OLFM2: variants seen among roughly 807,000 people sequenced by gnomAD.
OLFM2 encodes the protein noelin-2.
Under a neutral mutation model 43.9 loss-of-function variants are expected in OLFM2, and 20 were observed. The observed-to-expected ratio is 0.46, with a 90% CI of 0.32 to 0.66. OLFM2 has a LOEUF of 0.66. OLFM2 is among the 30% of genes least tolerant of loss of function. The pLI is 0.04. For missense variants in OLFM2, 416 were observed against 643.6 expected, an observed-to-expected ratio of 0.65 and a Z score of 3.83; for synonymous variants, 268 against 278.6, an observed-to-expected ratio of 0.96 and a Z score of 0.38.
chr19:9,857,094 G>T lies in OLFM2; in HGVS notation c.580+169C>A. On this transcript the variant is annotated intron_variant, in intron 4 of 5. Transcript: ENST00000264833. This position sits in a 1 kb window ranked among gnomAD's most constrained non-coding sequence, Gnocchi z 5.7. Reference sequence around the variant, plus strand: ...GAGGGGTTAGAGGCCAAGGGTCAGGGCCATTTCCAGCTTCTGGACTCAAGT... The same window carrying T: ...GAGGGGTTAGAGGCCAAGGGTCAGGTCCATTTCCAGCTTCTGGACTCAAGT... 1 of 819,482 alleles carries T rather than the reference G, an allele frequency of 1.2e-6. No individual in the cohort carries two copies. The highest frequency in any genetic ancestry group is 2.0e-6 in the Non-Finnish European group (1 of 501,382). The allele number at this position is 819,482 out of a possible 1,614,324, so 50.8% of individuals were successfully genotyped here.
chr19:9,892,239 GAT>G (rs1047719636), intron 1 of OLFM2, among the ~76,000 whole-genome samples: 5 of 152,082 alleles, frequency 3.3e-5, no homozygotes, highest in Admixed American at 3.3e-4. Context: ...CTGCTGTGTG[GAT>G]ATGTGATACC....
intron 2 of OLFM2, among the ~76,000 whole-genome samples, chr19:9,859,144 T>TGGAAACTCCCAGAAACTC (rs1387246693): frequency 4.6e-5 from 7 of 152,190 alleles, no homozygotes; most frequent in Non-Finnish European, 1.0e-4. Flanking sequence ...ACATGACACT[T>TGGAAACTCCCAGAAACTC]GGAAACTCCC....
chr19:9,911,349 T>C (rs2046825820), intron 1 of OLFM2, among the ~76,000 whole-genome samples: 1 of 152,090 alleles, frequency 6.6e-6, no homozygotes, highest in Non-Finnish European at 1.5e-5. Context: ...TGACAAAGTA[T>C]AATGAGACTG....
intron 1 of OLFM2, among the ~76,000 whole-genome samples, chr19:9,862,700 C>T (rs1158689696): frequency 7.3e-5 from 11 of 151,010 alleles, no homozygotes; most frequent in South Asian, 2.1e-4. Flanking sequence ...ACAGGCCAGA[C>T]GCGGTGGCTC....
In OLFM2 at chr19:9,912,765, T is replaced by G. The variant is rs2046837532; in HGVS notation, c.63+23539A>C. Among the ~76,000 whole-genome samples the G allele has an allele frequency of 2.6e-5, 4 of 151,776 alleles. No individual in the cohort carries two copies. In the South Asian group the frequency reaches 8.4e-4, roughly 32 times the overall value. ...GAGGCAGTGTCAGCTCCGGCCCCAG[T>G]CTGCGCCCCGTCTACCTCCCAGGGA... On this transcript the variant is annotated intron_variant, in intron 1 of 5. Coordinates refer to ENST00000264833, the MANE Select transcript of OLFM2 (RefSeq NM_058164.4).
At chr19:9,855,224 T>C (rs1390900097) in intron 5 of OLFM2, among the ~76,000 whole-genome samples, 1 of 40,326 alleles carries the variant, frequency 2.5e-5, no homozygotes, top group African/African-American at 6.3e-5. Flanking sequence ...GCTATTGGTC[T>C]TTTTTTTTTT....
chr19:9,932,379 G>A (rs528247570), intron 1 of OLFM2, among the ~76,000 whole-genome samples: 1 of 151,100 alleles, frequency 6.6e-6, no homozygotes, highest in Non-Finnish European at 1.5e-5. Flanking sequence ...CACTTGAACC[G>A]GTGAGGCAAA....
At chr19:9,895,931 A>G (rs553893957) in intron 1 of OLFM2, among the ~76,000 whole-genome samples, 334 of 151,808 alleles carry the variant, frequency 2.2e-3, no homozygotes, top group African/African-American at 7.8e-3. Context: ...GTGTGATCAT[A>G]TTATCCTCCC....
chr19:9,868,591 T>A (rs1194676328), intron 1 of OLFM2, among the ~76,000 whole-genome samples: 1 of 152,192 alleles, frequency 6.6e-6, no homozygotes, highest in Non-Finnish European at 1.5e-5. Flanking sequence ...TTAATCACCA[T>A]CTTTAAATTT....
chr19:9,854,456 G>C lies in OLFM2; in HGVS notation c.1095C>G (p.Tyr365Ter). ...LEVMRSWDTGYPKRSAGEAFM... is the reference protein window; with the variant it reads ...LEVMRSWDTG ...AGGCCTCGCCAGCGCTGCGCTTGGG[G>C]TAGCCGGTGTCCCAGGACCGCATGA... The change falls in exon 6 of 6, where the codon TAC becomes TAG. Residue 365 changes from tyrosine to a stop codon, truncating the protein, a stop_gained. Transcript: ENST00000264833. LOFTEE classifies it high-confidence loss of function. This position sits in a 1 kb window ranked among gnomAD's most constrained non-coding sequence, Gnocchi z 9.5. 6.2e-7 allele frequency: 1 copy of C among 1,614,146 alleles called. No homozygotes were observed. Among genetic ancestry groups the C allele is most frequent in the Non-Finnish European group, 8.5e-7 (1 of 1,180,040 alleles).
chr19:9,894,433 G>C (rs1568378580), intron 1 of OLFM2, among the ~76,000 whole-genome samples: 1 of 141,098 alleles, frequency 7.1e-6, no homozygotes, highest in Non-Finnish European at 1.5e-5. Context: ...AATAAAGCCA[G>C]GTGCAGTGGC....
intron 1 of OLFM2, among the ~76,000 whole-genome samples, chr19:9,874,215 G>T (rs2046466731): frequency 6.6e-6 from 1 of 151,944 alleles, no homozygotes; most frequent in Admixed American, 6.6e-5. Flanking sequence ...ACACTCAGTG[G>T]TTATCACATG....
chr19:9,856,906 C>T lies in OLFM2; in HGVS notation c.588G>A (p.Gly196=). 5 of 1,608,194 alleles carry T rather than the reference C, an allele frequency of 3.1e-6. No homozygotes were observed. The highest frequency in any genetic ancestry group is 4.2e-6 in the Non-Finnish European group (5 of 1,177,190). The change falls in exon 5 of 6, where the codon GGG becomes GGA. Residue 196 remains glycine (G), a synonymous_variant. Transcript: ENST00000264833. This position sits in a 1 kb window ranked among gnomAD's most constrained non-coding sequence, Gnocchi z 4.0. ...TGGGGTTACTGACCCCGGTCAGCTT[C>T]CCACAGCCTGGGAGGCAGGAACAGG... The part of the protein sequence containing the change: ...LHACAQKLGC[G]KLTGVSNPIT...
At chr19:9,860,852 A>C in intron 1 of OLFM2, 58 bp from the exon 2 acceptor site, 1 of 1,531,770 alleles carries the variant, frequency 6.5e-7, no homozygotes, top group East Asian at 2.3e-5. Context: ...CCTCGCCCTC[A>C]CTGGGACAGG....
intron 1 of OLFM2, among the ~76,000 whole-genome samples, chr19:9,908,906 A>G (rs2046805868): frequency 6.6e-6 from 1 of 152,032 alleles, no homozygotes; most frequent in South Asian, 2.1e-4. Flanking sequence ...GGGTTTTGCT[A>G]TGTTGTCCAG....
At chr19:9,894,658 G>A (rs898289325) in intron 1 of OLFM2, among the ~76,000 whole-genome samples, 9 of 151,924 alleles carry the variant, frequency 5.9e-5, no homozygotes, top group East Asian at 1.9e-4. Context: ...GCAGTGAGCC[G>A]AGATTGCACC....
intron 1 of OLFM2, among the ~76,000 whole-genome samples, chr19:9,909,163 T>C (rs2144988505): frequency 6.6e-6 from 1 of 152,288 alleles, no homozygotes; most frequent in South Asian, 2.1e-4. Context: ...TGAGAACTGC[T>C]CAGCTCCTCC....
intron 1 of OLFM2, among the ~76,000 whole-genome samples, chr19:9,911,775 T>C (rs1265138748): frequency 6.6e-6 from 1 of 152,178 alleles, no homozygotes; most frequent in Non-Finnish European, 1.5e-5. Flanking sequence ...ATAGAACACA[T>C]GTACACAGAC....
chr19:9,868,991 C>A (rs1161603038), intron 1 of OLFM2, among the ~76,000 whole-genome samples: 2 of 67,008 alleles, frequency 3.0e-5, no homozygotes, highest in Admixed American at 1.7e-4. Flanking sequence ...TTTTTTTTGG[C>A]AAGGGAGAAA....
Sources: allele counts gnomAD v4.1 joint callset (sites outside exome capture counted in the v4.1 genomes callset), GRCh38; gene constraint gnomAD v4.1.1; non-coding constraint Gnocchi (gnomAD v3.1); transcripts MANE v1.5; gene names NCBI Gene and HGNC (gene_info 2026-07-23, HGNC 2026-07-21).